Variants in NKAIN1 observed in about 807,000 individuals in gnomAD.
NKAIN1 encodes sodium/potassium transporting ATPase interacting 1, also known as sodium/potassium-transporting ATPase subunit beta-1-interacting protein 1.
In NKAIN1, 13 loss-of-function variants were observed where a neutral mutation model predicts 31.6. That is an observed-to-expected ratio of 0.41 (90% CI 0.27 to 0.65). The LOEUF is 0.65. NKAIN1 is among the 30% of genes least tolerant of loss of function. NKAIN1 has a pLI of 0.30. For missense variants in NKAIN1, 193 were observed against 262.2 expected (o/e 0.74, Z 1.82); for synonymous variants, 104 against 109.0 (o/e 0.95, Z 0.28).
chr1:31,211,719 G>C (rs557345666), intron 1 of NKAIN1, among the ~76,000 whole-genome samples: 3 of 151,862 alleles, frequency 2.0e-5, no homozygotes, highest in East Asian at 1.9e-4. Flanking sequence ...GAGGCCAAGG[G>C]GGGTGGATTG....
chr1:31,216,314 C>T lies in NKAIN1; in HGVS notation c.54+23180G>A, dbSNP rs116643278. 4.7e-3 allele frequency among the ~76,000 whole-genome samples: 718 copies of T among 152,140 alleles called. 8 individuals are homozygous for T. Among genetic ancestry groups the T allele is most frequent in the African/African-American group, 0.016 (669 of 41,456 alleles). ...CGGCCTAGTCTGAATGTGCCTATGC[C>T]GAGCGCTGCTCTTCACAGGTGGCAT... On this transcript the variant is annotated intron_variant, in intron 1 of 6. Coordinates refer to ENST00000373736, the MANE Select transcript of NKAIN1 (RefSeq NM_024522.3).
At chr1:31,205,049 A>T (rs757557101) in intron 1 of NKAIN1, among the ~76,000 whole-genome samples, 3 of 152,138 alleles carry the variant, frequency 2.0e-5, no homozygotes, top group African/African-American at 4.8e-5. Flanking sequence ...AATAATATCT[A>T]CTTCCTGGAT....
intron 1 of NKAIN1, among the ~76,000 whole-genome samples, chr1:31,238,068 T>C (rs1266412009): frequency 6.6e-6 from 1 of 152,134 alleles, no homozygotes; most frequent in Non-Finnish European, 1.5e-5. Flanking sequence ...GGGATAATCA[T>C]TTTACAGATA....
At chr1:31,197,777 C>A (rs981859368) in intron 1 of NKAIN1, among the ~76,000 whole-genome samples, 1 of 151,246 alleles carries the variant, frequency 6.6e-6, no homozygotes, top group Non-Finnish European at 1.5e-5. Flanking sequence ...AAACTCCTGA[C>A]CTCAAGTGAT....
chr1:31,181,954 G>A lies in NKAIN1; in HGVS notation c.533-13C>T. The A allele has an allele frequency of 6.2e-7, 1 of 1,601,446 alleles. No homozygotes were observed. The highest frequency in any genetic ancestry group is 8.5e-7 in the Non-Finnish European group (1 of 1,174,764). On this transcript the variant is annotated splice_polypyrimidine_tract_variant and intron_variant, in intron 5 of 6. Transcript: ENST00000373736. ...CCGATGAAGTCAACTGCGGAAGAGG[G>A]GCGGCGCATGTTAGGGATCGGCGGC...
chr1:31,212,019 A>G (rs1645473861), intron 1 of NKAIN1, among the ~76,000 whole-genome samples: 1 of 152,030 alleles, frequency 6.6e-6, no homozygotes, highest in Non-Finnish European at 1.5e-5. Flanking sequence ...AAAAGAACAA[A>G]GTTTGAGGAC....
chr1:31,216,437 A>C (rs6703593), intron 1 of NKAIN1, among the ~76,000 whole-genome samples: 77,457 of 151,982 alleles, frequency 0.51, 21,137 homozygotes, highest in East Asian at 0.77. Context: ...GATTCATTTA[A>C]TCTTCAAAGA....
At chr1:31,200,336 A>G (rs1369916954) in intron 1 of NKAIN1, among the ~76,000 whole-genome samples, 1 of 152,336 alleles carries the variant, frequency 6.6e-6, no homozygotes, top group East Asian at 1.9e-4. Flanking sequence ...TCATAACAAT[A>G]AACAGTTATG....
In NKAIN1 at chr1:31,183,436, CTTTTTTTTTTTTTTTT is replaced by C. The variant is rs3046278; in HGVS notation, c.471+365_471+380del. Among the ~76,000 whole-genome samples, 700 of 106,554 alleles carry C rather than the reference CTTTTTTTTTTTTTTTT, an allele frequency of 6.6e-3. 5 individuals are homozygous for C. Among genetic ancestry groups the C allele is most frequent in the African/African-American group, 0.015 (265 of 17,922 alleles). 69.9% of individuals were successfully genotyped at this position (106,554 alleles called of 152,430 possible). A position where few individuals can be genotyped will look rare whatever the true frequency, so the allele number is the denominator to read the frequency against. On this transcript the variant is annotated intron_variant, in intron 4 of 6. Coordinates refer to ENST00000373736, the MANE Select transcript of NKAIN1 (RefSeq NM_024522.3). ...GGCGGAAGACCTAGGTTCATTCCCTCTTTTTTTTTTTTTTTTTTTTTTTTTTTTTTTTATGGAGTTT... is the reference window on the plus strand; with the variant it reads ...GGCGGAAGACCTAGGTTCATTCCCTCTTTTTTTTTTTTTTTTATGGAGTTT...
At chr1:31,230,153 A>G (rs1032970923) in intron 1 of NKAIN1, among the ~76,000 whole-genome samples, 6 of 152,170 alleles carry the variant, frequency 3.9e-5, no homozygotes, top group Admixed American at 6.5e-5. Context: ...CCTACCCCAC[A>G]GTACTCGGAT....
At chr1:31,197,937 G>C (rs898204586) in intron 1 of NKAIN1, among the ~76,000 whole-genome samples, 5 of 152,078 alleles carry the variant, frequency 3.3e-5, no homozygotes, top group African/African-American at 1.2e-4. Context: ...GCTCACTGCA[G>C]CCTTGAACTC....
chr1:31,231,147 G>T (rs560242186), intron 1 of NKAIN1, among the ~76,000 whole-genome samples: 1 of 151,906 alleles, frequency 6.6e-6, no homozygotes, highest in Non-Finnish European at 1.5e-5. Flanking sequence ...GCCTCCCAGA[G>T]TGCTGGGATT....
intron 1 of NKAIN1, among the ~76,000 whole-genome samples, chr1:31,224,621 G>C (rs188460614): frequency 1.3e-5 from 2 of 152,302 alleles, no homozygotes; most frequent in East Asian, 3.9e-4. Context: ...GGAATAAAAG[G>C]AAGTTAACAA....
intron 1 of NKAIN1, among the ~76,000 whole-genome samples, chr1:31,238,198 T>G (rs1210090394): frequency 6.6e-6 from 1 of 152,196 alleles, no homozygotes; most frequent in Non-Finnish European, 1.5e-5. Flanking sequence ...GGTCTGTGGA[T>G]GGCATGTTTG....
intron 1 of NKAIN1, among the ~76,000 whole-genome samples, chr1:31,195,124 C>CTTTTTTT (rs112786243): frequency 8.0e-6 from 1 of 125,442 alleles, no homozygotes; most frequent in East Asian, 2.5e-4. Flanking sequence ...TTCCTTCCTC[C>CTTTTTTT]TTTTTTTTTT....
intron 1 of NKAIN1, among the ~76,000 whole-genome samples, chr1:31,228,742 C>G (rs1392956032): frequency 6.6e-6 from 1 of 152,184 alleles, no homozygotes. Context: ...CACAGGCTGG[C>G]ACCACCATGG....
chr1:31,196,235 C>T (rs1034171637), intron 1 of NKAIN1, among the ~76,000 whole-genome samples: 1 of 151,924 alleles, frequency 6.6e-6, no homozygotes, highest in Non-Finnish European at 1.5e-5. Context: ...AAAAATTGGC[C>T]GGGTGCGGTG....
chr1:31,228,220 T>C (rs1048402582), intron 1 of NKAIN1, among the ~76,000 whole-genome samples: 2 of 152,222 alleles, frequency 1.3e-5, no homozygotes, highest in East Asian at 3.8e-4. Context: ...ACATCTCTGG[T>C]TCAGGCTGGG....
intron 1 of NKAIN1, among the ~76,000 whole-genome samples, chr1:31,237,263 A>C (rs1645699278): frequency 6.6e-6 from 1 of 152,122 alleles, no homozygotes; most frequent in Admixed American, 6.6e-5. Context: ...ACAAAAACAA[A>C]AACAAAACCC....
Sources: gnomAD v4.1 joint callset for allele counts (sites outside exome capture counted in the v4.1 genomes callset) on GRCh38, gnomAD v4.1.1 for gene constraint, MANE v1.5 for transcripts, NCBI Gene and HGNC (gene_info 2026-07-23, HGNC 2026-07-21) for gene names.